Variants in DNAH12 observed in about 807,000 individuals in gnomAD.
DNAH12 encodes axonemal beta dynein heavy chain 12.
In DNAH12, 285 loss-of-function variants were observed where a neutral mutation model predicts 371.5. That is an observed-to-expected ratio of 0.77 (90% CI 0.70 to 0.85). DNAH12 has a LOEUF of 0.85. DNAH12 is among the 40% of genes least tolerant of loss of function. The pLI is 0.00. For synonymous variants in DNAH12, 1,200 were observed against 1,213.0 expected (o/e 0.99, Z 0.22); for missense variants, 3,611 against 3,689.4 (o/e 0.98, Z 0.55).
In DNAH12 at chr3:57,457,951, C is replaced by A; in HGVS notation, c.3106G>T (p.Asp1036Tyr). 6.4e-7 allele frequency: 1 copy of A among 1,551,558 alleles called. No individual in the cohort carries two copies. Among genetic ancestry groups the A allele is most frequent in the Non-Finnish European group, 8.7e-7 (1 of 1,146,968 alleles). Residue 1036 changes from aspartate (D) to tyrosine (Y), a missense_variant, in exon 22 of 74, where the codon GAT becomes TAT. By Grantham distance (160) the Asp-to-Tyr change is radical. Coordinates refer to ENST00000495027, the MANE Select transcript of DNAH12 (RefSeq NM_001366028.2). ...AAATGTGGCTGAACTCTAAGTGGAT[C>A]TTTGGTCTCTGATAAAATCTCTAAC... ...EMLEILSETK[D>Y]PLRVQPHLKK...
At chr3:57,351,480 A>C (rs566482278) in intron 60 of DNAH12, among the ~76,000 whole-genome samples, 45 of 152,316 alleles carry the variant, frequency 3.0e-4, no homozygotes, top group Non-Finnish European at 5.0e-4. Context: ...TCATAGCACC[A>C]TTACTTATAA....
At chr3:57,388,999 C>T (rs1354727697) in intron 45 of DNAH12, among the ~76,000 whole-genome samples, 3 of 152,204 alleles carry the variant, frequency 2.0e-5, no homozygotes, top group East Asian at 3.9e-4. Context: ...CACATGTATA[C>T]ATATGTAACA....
At chr3:57,385,974 A>T (rs1454285609) in intron 47 of DNAH12, among the ~76,000 whole-genome samples, 1 of 152,162 alleles carries the variant, frequency 6.6e-6, no homozygotes, top group Non-Finnish European at 1.5e-5. Context: ...ACAAAGCAGC[A>T]TCTCAGAGTA....
At chr3:57,312,166 T>C (rs1027947396) in intron 66 of DNAH12, among the ~76,000 whole-genome samples, 1 of 152,152 alleles carries the variant, frequency 6.6e-6, no homozygotes, top group African/African-American at 2.4e-5. Context: ...TAGAACCAAG[T>C]TGAAAGAAGG....
chr3:57,434,864 G>A (rs1331371102), intron 30 of DNAH12, among the ~76,000 whole-genome samples: 1 of 151,980 alleles, frequency 6.6e-6, no homozygotes, highest in Non-Finnish European at 1.5e-5. Context: ...ACAAAGAAAT[G>A]AGCCCAGAAA....
rs1004261422 is a variant in DNAH12, at chr3:57,367,241, C to T, written c.8975-320G>A. Among the ~76,000 whole-genome samples, 230 of 152,188 alleles carry T rather than the reference C, an allele frequency of 1.5e-3. 2 individuals carry two copies. The highest frequency in any genetic ancestry group is 0.011 in the East Asian group (55 of 5,172). On this transcript the variant is annotated intron_variant, in intron 56 of 73. Transcript: ENST00000495027. Reference sequence around the variant, plus strand: ...CCCAGCTACTTTGGAGGCTAAGGAACAAGAATCGCTTGAACCCAGGAAGCA... The same window carrying T: ...CCCAGCTACTTTGGAGGCTAAGGAATAAGAATCGCTTGAACCCAGGAAGCA...
At chr3:57,323,736 T>A (rs74935015) in intron 62 of DNAH12, 117 bp from the exon 63 acceptor site, 30,282 of 1,063,648 alleles carry the variant, frequency 0.028, 498 homozygotes, top group Middle Eastern at 0.035. Flanking sequence ...AAAAAGCATA[T>A]AGCATCATAG....
At chr3:57,418,647 G>A (rs1458355215) in intron 37 of DNAH12, among the ~76,000 whole-genome samples, 1 of 151,640 alleles carries the variant, frequency 6.6e-6, no homozygotes, top group Non-Finnish European at 1.5e-5. Context: ...CAAAATAGGG[G>A]TAAACTAATT....
chr3:57,343,530 C>T (rs542537631), intron 60 of DNAH12, among the ~76,000 whole-genome samples: 20 of 152,370 alleles, frequency 1.3e-4, no homozygotes, highest in Non-Finnish European at 2.6e-4. Flanking sequence ...GGGGCCTCTG[C>T]CCTTGAAAGC....
chr3:57,400,481 C>T (rs1190100332), intron 43 of DNAH12, among the ~76,000 whole-genome samples: 2 of 152,058 alleles, frequency 1.3e-5, no homozygotes, highest in Non-Finnish European at 2.9e-5. Flanking sequence ...ATTCCAAGAC[C>T]CCCAGTGGAT....
At chr3:57,356,955 C>G (rs2062815366) in intron 59 of DNAH12, among the ~76,000 whole-genome samples, 2 of 151,952 alleles carry the variant, frequency 1.3e-5, no homozygotes, top group Non-Finnish European at 2.9e-5. Context: ...GTTGGCCAGG[C>G]TGGTCTCGAA....
At chr3:57,434,347 G>A (rs1175577793) in intron 30 of DNAH12, among the ~76,000 whole-genome samples, 2 of 152,154 alleles carry the variant, frequency 1.3e-5, no homozygotes, top group Non-Finnish European at 2.9e-5. Context: ...ACCTCACAGA[G>A]CTCCCTTTTC....
intron 2 of DNAH12, among the ~76,000 whole-genome samples, chr3:57,540,941 A>G (rs764751273): frequency 7.2e-5 from 11 of 152,060 alleles, no homozygotes; most frequent in Non-Finnish European, 1.5e-4. Context: ...AAAAGAAAAA[A>G]AAAAAGGAAC....
chr3:57,313,343 TA>T (rs933554589), intron 66 of DNAH12, among the ~76,000 whole-genome samples: 2 of 151,660 alleles, frequency 1.3e-5, no homozygotes, highest in African/African-American at 2.4e-5. Context: ...AAAATACGTT[TA>T]AAAAAAACAA....
rs2061231518 is a variant in DNAH12 at position 57,296,293 on chromosome 3, A to G, written c.11624+51T>C. On this transcript the variant is annotated intron_variant, in intron 72 of 73. Transcript: ENST00000495027. Reference sequence around the variant, plus strand: ...TTTTAAGCAACAGATTGCTTATCTTATCTATGATTCAGCTACAAATGAAGA... The same window carrying G: ...TTTTAAGCAACAGATTGCTTATCTTGTCTATGATTCAGCTACAAATGAAGA... 6 of 1,378,000 alleles carry G rather than the reference A, an allele frequency of 4.4e-6. No homozygotes were observed. In the Admixed American group the frequency reaches 1.3e-4, roughly 29 times the overall value. 85.4% of individuals were successfully genotyped at this position (1,378,000 alleles called of 1,614,324 possible). A position where few individuals can be genotyped will look rare whatever the true frequency, so the allele number is the denominator to read the frequency against.
intron 29 of DNAH12, among the ~76,000 whole-genome samples, chr3:57,443,524 C>T (rs141231976): frequency 6.6e-6 from 1 of 151,918 alleles, no homozygotes; most frequent in African/African-American, 2.4e-5. Context: ...GTTGGAAATG[C>T]GAGTGGTTTG....
intron 66 of DNAH12, among the ~76,000 whole-genome samples, chr3:57,314,282 T>C (rs1473415778): frequency 1.3e-5 from 2 of 152,108 alleles, no homozygotes; most frequent in African/African-American, 4.8e-5. Flanking sequence ...GAGTAATGAG[T>C]TTCATTGTGG....
intron 11 of DNAH12, among the ~76,000 whole-genome samples, chr3:57,490,975 G>A (rs1472622513): frequency 6.7e-6 from 1 of 149,676 alleles, no homozygotes; most frequent in African/African-American, 2.5e-5. Context: ...TGTAATGCCA[G>A]CTACTCAAGA....
chr3:57,425,077 A>G lies in DNAH12; in HGVS notation c.5318T>C (p.Leu1773Pro), dbSNP rs1258431835. The G allele has an allele frequency of 7.1e-6, 5 of 702,890 alleles. 1 individual carries two copies. The South Asian group carries it at 7.4e-5, about 10-fold the overall frequency. 43.5% of individuals were successfully genotyped at this position (702,890 alleles called of 1,614,324 possible). Residue 1773 changes from leucine (L) to proline (P), a missense_variant, in exon 35 of 74, where the codon CTT (leucine) becomes CCT (proline). Leu to Pro is a moderately conservative substitution (Grantham distance 98, BLOSUM62 -3). Transcript: ENST00000495027. ...AGGATCATTTTCTACCACATTGCAAAGTAGCACTTCAAAGAGGCGTGTGAG... is the reference window on the plus strand; with the variant it reads ...AGGATCATTTTCTACCACATTGCAAGGTAGCACTTCAAAGAGGCGTGTGAG... ...VSLTRLFEVLLCNVVENDPTS... is the reference protein window; with the variant it reads ...VSLTRLFEVLPCNVVENDPTS...
Sources: allele counts gnomAD v4.1 joint callset (sites outside exome capture counted in the v4.1 genomes callset), GRCh38; gene constraint gnomAD v4.1.1; transcripts MANE v1.5; gene names NCBI Gene and HGNC (gene_info 2026-07-23, HGNC 2026-07-21).